The following CALN1 variants were observed in gnomAD, a reference collection of about 807,000 sequenced individuals.
CALN1 encodes the protein calcium-binding protein 8.
In CALN1, 17 loss-of-function variants were observed where a neutral mutation model predicts 30.6. The observed-to-expected ratio is 0.56, with a 90% CI of 0.38 to 0.83. The LOEUF is 0.83. CALN1 is among the 40% of genes least tolerant of loss of function. The pLI, the probability that CALN1 is intolerant of heterozygous loss-of-function variation, is 0.00. For missense variants in CALN1, 291 were observed against 354.9 expected, an observed-to-expected ratio of 0.82 and a Z score of 1.45; for synonymous variants, 156 against 131.4, an observed-to-expected ratio of 1.19 and a Z score of -1.28.
intron 3 of CALN1, among the ~76,000 whole-genome samples, chr7:72,126,872 G>T (rs1019016008): frequency 4.6e-5 from 7 of 151,898 alleles, no homozygotes; most frequent in African/African-American, 1.7e-4. Context: ...ACACTGCTTG[G>T]GTGACAGATG....
chr7:72,115,296 A>G (rs1807897032), intron 3 of CALN1, among the ~76,000 whole-genome samples: 1 of 148,308 alleles, frequency 6.7e-6, no homozygotes, highest in African/African-American at 2.5e-5. Flanking sequence ...GGGTGGATAC[A>G]CTGCTGCTTT....
chr7:71,950,996 C>T (rs746214418), intron 5 of CALN1, among the ~76,000 whole-genome samples: 1 of 152,204 alleles, frequency 6.6e-6, no homozygotes, highest in Non-Finnish European at 1.5e-5. Context: ...CCCCGTCTAT[C>T]CCCGTTTTAT....
At chr7:72,280,237 G>A (rs1797646151) in intron 2 of CALN1, among the ~76,000 whole-genome samples, 1 of 152,104 alleles carries the variant, frequency 6.6e-6, no homozygotes, top group Admixed American at 6.5e-5. Flanking sequence ...CAACAACTGG[G>A]ACAACTCTCC....
chr7:71,844,091 C>T (rs933589500), intron 5 of CALN1, among the ~76,000 whole-genome samples: 2 of 152,126 alleles, frequency 1.3e-5, no homozygotes, highest in Admixed American at 1.3e-4. Context: ...ACAAGGAGCA[C>T]ACTGCGATAT....
intron 5 of CALN1, among the ~76,000 whole-genome samples, chr7:72,013,043 C>A (rs986148668): frequency 6.6e-6 from 1 of 152,066 alleles, no homozygotes; most frequent in Non-Finnish European, 1.5e-5. Flanking sequence ...GGTGATCCAC[C>A]TGCCTCGGCC....
Position 72,105,788 on chromosome 7 carries a change from G to GGGA in CALN1, c.388+362_388+363insTCC, listed in dbSNP as rs1554441699. 4.8e-4 allele frequency among the ~76,000 whole-genome samples: 38 copies of GGGA among 78,582 alleles called. 1 individual carries two copies. In the East Asian group the frequency reaches 0.039, roughly 82 times the overall value. 51.6% of individuals were successfully genotyped at this position (78,582 alleles called of 152,430 possible). A position where few individuals can be genotyped will look rare whatever the true frequency, so the allele number is the denominator to read the frequency against. On this transcript the variant is annotated intron_variant, in intron 4 of 6. Transcript: ENST00000395275. ...AAGAAGAAGGAGGAGGAGGAGGAGG[G>GGGA]GGGAGGGAGGGAGGGAGGAGGAGGA...
At chr7:72,319,831 T>C (rs1800747829) in intron 2 of CALN1, among the ~76,000 whole-genome samples, 1 of 151,736 alleles carries the variant, frequency 6.6e-6, no homozygotes. Context: ...AGTGGAAACA[T>C]AGACAATGGA....
intron 5 of CALN1, among the ~76,000 whole-genome samples, chr7:71,866,613 G>A (rs189076216): frequency 6.6e-6 from 1 of 152,228 alleles, no homozygotes; most frequent in East Asian, 1.9e-4. Context: ...GGAATGAACT[G>A]AGTACTCCAC....
At chr7:71,891,416 T>C (rs73362174) in intron 5 of CALN1, among the ~76,000 whole-genome samples, 2,230 of 152,316 alleles carry the variant, frequency 0.015, 49 homozygotes, top group African/African-American at 0.049. Flanking sequence ...ACTTCCATGG[T>C]GCTTTCTCCA....
At chr7:72,053,520 CCCA>C (rs1334055757) in intron 4 of CALN1, among the ~76,000 whole-genome samples, 1 of 152,142 alleles carries the variant, frequency 6.6e-6, no homozygotes, top group Non-Finnish European at 1.5e-5. Flanking sequence ...GATTTACACT[CCCA>C]CCAACATATA....
chr7:71,930,459 C>G (rs1795491928), intron 5 of CALN1, among the ~76,000 whole-genome samples: 1 of 152,170 alleles, frequency 6.6e-6, no homozygotes, highest in Non-Finnish European at 1.5e-5. Flanking sequence ...ACATTCTAGA[C>G]ACAAGCCCTT....
At chr7:72,351,620 T>C (rs146176546) in intron 2 of CALN1, among the ~76,000 whole-genome samples, 212 of 152,320 alleles carry the variant, frequency 1.4e-3, no homozygotes, top group African/African-American at 4.7e-3. Context: ...TGAAGTGGTA[T>C]AGTATCATTT....
At chr7:72,147,481 G>GATGTGGAGAAATGGGAAC (rs775589538) in intron 3 of CALN1, among the ~76,000 whole-genome samples, 1 of 100,840 alleles carries the variant, frequency 9.9e-6, no homozygotes, top group Non-Finnish European at 2.3e-5. Context: ...TGTTGGAGAG[G>GATGTGGAGAAATGGGAAC]ACTGTTACAC....
At chr7:72,408,528 A>G (rs1806862607) in intron 1 of CALN1, among the ~76,000 whole-genome samples, 1 of 152,028 alleles carries the variant, frequency 6.6e-6, no homozygotes, top group Non-Finnish European at 1.5e-5. Context: ...TATGTTGGTG[A>G]TGTTGGTGAC....
chr7:72,014,328 C>A (rs977505691), intron 5 of CALN1, among the ~76,000 whole-genome samples: 3 of 152,140 alleles, frequency 2.0e-5, no homozygotes, highest in Non-Finnish European at 4.4e-5. Flanking sequence ...CTCAGGTGAT[C>A]CGCCCACCTC....
At chr7:72,222,389 T>C (rs1198176453) in intron 3 of CALN1, among the ~76,000 whole-genome samples, 1 of 152,108 alleles carries the variant, frequency 6.6e-6, no homozygotes, top group East Asian at 1.9e-4. Context: ...AAAGCTGGTA[T>C]GTCACATGGC....
intron 3 of CALN1, among the ~76,000 whole-genome samples, chr7:72,136,190 T>C (rs1809501741): frequency 1.7e-5 from 2 of 119,788 alleles, no homozygotes; most frequent in African/African-American, 6.9e-5. Context: ...TTTTTCTGCA[T>C]TGAAAAATCT....
intron 5 of CALN1, among the ~76,000 whole-genome samples, chr7:71,827,530 G>A (rs1045423440): frequency 1.3e-5 from 2 of 152,232 alleles, no homozygotes; most frequent in African/African-American, 4.8e-5. Context: ...CAGCATTTGG[G>A]GAGGCCGAGG....
At chr7:72,461,177 CTG>C in the CALN1 span, among the ~76,000 whole-genome samples, 1 of 152,132 alleles carries the variant, frequency 6.6e-6, no homozygotes, top group African/African-American at 2.4e-5. Context: ...ATCGGTGAGA[CTG>C]TGAGGAAAAG....
Sources: gnomAD v4.1 joint callset for allele counts (sites outside exome capture counted in the v4.1 genomes callset) on GRCh38, gnomAD v4.1.1 for gene constraint, MANE v1.5 for transcripts, NCBI Gene and HGNC (gene_info 2026-07-23, HGNC 2026-07-21) for gene names.